HCN1: variants seen among roughly 807,000 people sequenced by gnomAD.
The protein encoded by HCN1 is hyperpolarization activated cyclic nucleotide gated potassium channel 1.
Under a neutral mutation model 78.9 loss-of-function variants are expected in HCN1, and 13 were observed. The ratio of observed to expected loss-of-function variants is 0.16; its 90% CI spans 0.11 to 0.26. The LOEUF (loss-of-function observed/expected upper bound fraction) is 0.26, where lower values mean the gene tolerates loss of function less well. Ranked by LOEUF, HCN1 falls within the 10% of genes least tolerant of loss-of-function variation. The probability of loss-of-function intolerance (pLI) is 1.00; values close to 1 mark genes in which losing one functional copy is unlikely to be tolerated. For synonymous variants in HCN1, 552 were observed against 455.5 expected (o/e 1.21, Z -2.70); for missense variants, 810 against 1,154.3 (o/e 0.70, Z 4.32).
At chr5:45,664,094 G>T (rs1745980787) in intron 1 of HCN1, among the ~76,000 whole-genome samples, 1 of 108,164 alleles carries the variant, frequency 9.2e-6, no homozygotes, top group South Asian at 3.7e-4. Context: ...TTAAGAAAAT[G>T]TGGCACATAT....
At chr5:45,665,000 G>A (rs1173042235) in intron 1 of HCN1, among the ~76,000 whole-genome samples, 6 of 151,408 alleles carry the variant, frequency 4.0e-5, no homozygotes, top group Non-Finnish European at 8.8e-5. Flanking sequence ...ACATGCACAC[G>A]TATGCTATTG....
At chr5:45,428,083 C>G (rs936588920) in intron 3 of HCN1, among the ~76,000 whole-genome samples, 4 of 151,754 alleles carry the variant, frequency 2.6e-5, no homozygotes, top group African/African-American at 9.7e-5. Context: ...ATCTATGAAC[C>G]TGTATTCACT....
chr5:45,450,438 T>G (rs932889348), intron 3 of HCN1, among the ~76,000 whole-genome samples: 1 of 152,178 alleles, frequency 6.6e-6, no homozygotes, highest in African/African-American at 2.4e-5. Context: ...TTATAGATAA[T>G]TTGAATGTCT....
chr5:45,518,327 C>T (rs1167677188), intron 2 of HCN1, among the ~76,000 whole-genome samples: 1 of 151,868 alleles, frequency 6.6e-6, no homozygotes, highest in Non-Finnish European at 1.5e-5. Context: ...GTATGAGAGG[C>T]CTCTCTTTAA....
chr5:45,624,171 C>T (rs957364181), intron 2 of HCN1, among the ~76,000 whole-genome samples: 2 of 152,120 alleles, frequency 1.3e-5, no homozygotes, highest in Admixed American at 6.5e-5. Flanking sequence ...ACATTTGAAA[C>T]TGTGAGATGC....
intron 2 of HCN1, among the ~76,000 whole-genome samples, chr5:45,522,602 CTTTTT>C (rs79339415): frequency 5.7e-5 from 8 of 141,350 alleles, no homozygotes; most frequent in Non-Finnish European, 9.3e-5. Flanking sequence ...AGTCTCTTTT[CTTTTT>C]TTTTTTTTGT....
intron 5 of HCN1, among the ~76,000 whole-genome samples, chr5:45,350,898 A>T (rs1390239217): frequency 1.3e-5 from 2 of 152,204 alleles, no homozygotes; most frequent in African/African-American, 4.8e-5. Context: ...ATGGAAGAAC[A>T]TTTCATGCTC....
At chr5:45,551,993 GACCA>G (rs1743379277) in intron 2 of HCN1, among the ~76,000 whole-genome samples, 1 of 151,994 alleles carries the variant, frequency 6.6e-6, no homozygotes, top group Admixed American at 6.6e-5. Context: ...TATACACAGT[GACCA>G]TTAATTGTCC....
At chr5:45,646,764 T>C (rs1403561323) in intron 1 of HCN1, among the ~76,000 whole-genome samples, 1 of 152,108 alleles carries the variant, frequency 6.6e-6, no homozygotes. Flanking sequence ...ATCAAATATT[T>C]ATAGTTGTTA....
At chr5:45,532,058 C>A (rs112503458) in intron 2 of HCN1, among the ~76,000 whole-genome samples, 1 of 152,102 alleles carries the variant, frequency 6.6e-6, no homozygotes, top group South Asian at 2.1e-4. Flanking sequence ...AATAAACCAA[C>A]CAAACAAAAG....
At chr5:45,394,212 G>A (rs551310408) in intron 4 of HCN1, among the ~76,000 whole-genome samples, 4 of 152,230 alleles carry the variant, frequency 2.6e-5, no homozygotes, top group African/African-American at 7.2e-5. Flanking sequence ...TCTGACTATC[G>A]TCAAGGAAGG....
intron 2 of HCN1, among the ~76,000 whole-genome samples, chr5:45,556,821 T>G (rs890616653): frequency 2.6e-5 from 4 of 152,026 alleles, no homozygotes; most frequent in Non-Finnish European, 4.4e-5. Context: ...CATATAATTC[T>G]GTGTGAATAG....
intron 6 of HCN1, among the ~76,000 whole-genome samples, chr5:45,277,715 G>A (rs1745092028): frequency 6.6e-6 from 1 of 152,170 alleles, no homozygotes; most frequent in East Asian, 1.9e-4. Context: ...GTTCAACCAG[G>A]ATTGATGCTT....
In HCN1 at chr5:45,308,139, T is replaced by C. The variant is rs182229431; in HGVS notation, c.1378-4300A>G. Among the ~76,000 whole-genome samples the C allele has an allele frequency of 2.6e-3, 402 of 152,222 alleles. 1 individual carries two copies. The highest frequency in any genetic ancestry group is 9.2e-3 in the African/African-American group (381 of 41,566). ...TGATTGCTAAAAGGTGTCTGGCACC[T>C]ACTTTCTCTCTCATGTCCTCTCTCA... On this transcript the variant is annotated intron_variant, in intron 5 of 7. Transcript: ENST00000303230.
chr5:45,531,591 T>C (rs1054413571), intron 2 of HCN1, among the ~76,000 whole-genome samples: 3 of 152,178 alleles, frequency 2.0e-5, no homozygotes, highest in African/African-American at 7.2e-5. Context: ...TATCTTGCCC[T>C]TTCTTCATCA....
intron 3 of HCN1, among the ~76,000 whole-genome samples, chr5:45,432,292 A>T (rs1740479249): frequency 6.6e-6 from 1 of 152,194 alleles, no homozygotes; most frequent in Admixed American, 6.5e-5. Context: ...TGTATCCTGA[A>T]ACTTTGCTGA....
chr5:45,374,894 A>G (rs182811356), intron 4 of HCN1, among the ~76,000 whole-genome samples: 200 of 144,732 alleles, frequency 1.4e-3, no homozygotes, highest in African/African-American at 4.0e-3. Flanking sequence ...ATATAGAGAG[A>G]GACAGAGAGA....
intron 3 of HCN1, among the ~76,000 whole-genome samples, chr5:45,444,761 A>T (rs2111578037): frequency 6.6e-6 from 1 of 151,804 alleles, no homozygotes; most frequent in African/African-American, 2.4e-5. Flanking sequence ...CCAGGTTATT[A>T]TTTTTACTTT....
At chr5:45,598,361 A>G (rs1452019874) in intron 2 of HCN1, among the ~76,000 whole-genome samples, 1 of 152,206 alleles carries the variant, frequency 6.6e-6, no homozygotes, top group Non-Finnish European at 1.5e-5. Flanking sequence ...CTGGCTAGCC[A>G]TATGTAGAAA....
Sources: allele counts gnomAD v4.1 joint callset (sites outside exome capture counted in the v4.1 genomes callset), GRCh38; gene constraint gnomAD v4.1.1; transcripts MANE v1.5; gene names NCBI Gene and HGNC (gene_info 2026-07-23, HGNC 2026-07-21).